Variants in SLC24A2 observed in about 807,000 individuals in gnomAD.
SLC24A2 encodes sodium/potassium/calcium exchanger 2.
In SLC24A2, 36 loss-of-function variants were observed where a neutral mutation model predicts 62.0. That is an observed-to-expected ratio of 0.58 (90% CI 0.44 to 0.77). The LOEUF (loss-of-function observed/expected upper bound fraction) is 0.77. SLC24A2 is among the 30% of genes least tolerant of loss of function. The pLI, the probability that SLC24A2 is intolerant of heterozygous loss-of-function variation, is 0.00. For synonymous variants in SLC24A2, 358 were observed against 294.0 expected (o/e 1.22, Z -2.23); for missense variants, 846 against 817.9 (o/e 1.03, Z -0.42).
At chr9:19,889,480 T>TCCAC in the SLC24A2 span, among the ~76,000 whole-genome samples, 1 of 120,722 alleles carries the variant, frequency 8.3e-6, no homozygotes, top group Non-Finnish European at 1.8e-5. Context: ...AAACAGTCCA[T>TCCAC]AGGCCTCCAT....
intron 2 of SLC24A2, among the ~76,000 whole-genome samples, chr9:19,726,848 C>G (rs1034729625): frequency 2.0e-5 from 3 of 152,124 alleles, no homozygotes; most frequent in African/African-American, 7.2e-5. Flanking sequence ...TCTTTTACAC[C>G]AACGGAGGAT....
At chr9:20,206,528 C>T in the SLC24A2 span, among the ~76,000 whole-genome samples, 2 of 152,132 alleles carry the variant, frequency 1.3e-5, no homozygotes, top group African/African-American at 4.8e-5. Flanking sequence ...CTCGCTCTGT[C>T]GCCCAGGCTG....
the SLC24A2 span, among the ~76,000 whole-genome samples, chr9:19,948,701 C>A: frequency 6.6e-6 from 1 of 151,620 alleles, no homozygotes; most frequent in African/African-American, 2.4e-5. Flanking sequence ...AAAAATTAGC[C>A]GGGCGCAGTG....
the SLC24A2 span, among the ~76,000 whole-genome samples, chr9:20,301,747 A>T: frequency 7.2e-5 from 11 of 152,162 alleles, no homozygotes; most frequent in Non-Finnish European, 1.3e-4. Context: ...TTGACACATC[A>T]TAATCACTCA....
At chr9:19,963,561 C>T in the SLC24A2 span, among the ~76,000 whole-genome samples, 1 of 152,184 alleles carries the variant, frequency 6.6e-6, no homozygotes, top group East Asian at 1.9e-4. Context: ...GGGTGAAGGA[C>T]ATGAACAGAC....
chr9:19,616,691 T>C (rs1216872284), intron 4 of SLC24A2, among the ~76,000 whole-genome samples: 1 of 152,152 alleles, frequency 6.6e-6, no homozygotes, highest in Admixed American at 6.5e-5. Flanking sequence ...GTGAATAAAA[T>C]AGAGTCCCTG....
intron 2 of SLC24A2, among the ~76,000 whole-genome samples, chr9:19,764,401 C>T (rs1425802745): frequency 6.6e-6 from 1 of 152,166 alleles, no homozygotes; most frequent in Non-Finnish European, 1.5e-5. Context: ...GTTAGAGTGT[C>T]AATTTTGGAT....
the SLC24A2 span, among the ~76,000 whole-genome samples, chr9:20,096,098 T>C: frequency 1.5e-5 from 2 of 137,334 alleles, no homozygotes; most frequent in East Asian, 2.1e-4. Flanking sequence ...CGTCCGTCCG[T>C]CCGTCCGTCC....
At chr9:20,178,983 A>C in the SLC24A2 span, among the ~76,000 whole-genome samples, 1 of 152,144 alleles carries the variant, frequency 6.6e-6, no homozygotes, top group Non-Finnish European at 1.5e-5. Context: ...CCAAAATCAC[A>C]CTTCAATCAC....
intron 6 of SLC24A2, among the ~76,000 whole-genome samples, chr9:19,576,356 G>T (rs181813657): frequency 6.6e-6 from 1 of 152,166 alleles, no homozygotes; most frequent in East Asian, 1.9e-4. Flanking sequence ...TTGTCATACA[G>T]GAGCTCTGCA....
At chr9:19,551,447 A>C (rs1420086391) in intron 7 of SLC24A2, among the ~76,000 whole-genome samples, 4 of 152,194 alleles carry the variant, frequency 2.6e-5, no homozygotes, top group East Asian at 1.9e-4. Flanking sequence ...TTAGCCTGTC[A>C]GCTGAGCCCT....
chr9:19,687,912 G>A (rs1229273990), intron 2 of SLC24A2, among the ~76,000 whole-genome samples: 1 of 152,054 alleles, frequency 6.6e-6, no homozygotes, highest in African/African-American at 2.4e-5. Context: ...GTTCAGTGGG[G>A]AGTCATCCCT....
chr9:19,593,217 C>G (rs57699462), intron 5 of SLC24A2, among the ~76,000 whole-genome samples: 382 of 152,280 alleles, frequency 2.5e-3, no homozygotes, highest in African/African-American at 8.8e-3. Context: ...CTAGGGTCTA[C>G]TCATCTCATG....
intron 1 of SLC24A2, chr9:19,788,601 G>A: frequency 3.0e-6 from 3 of 985,458 alleles, no homozygotes; most frequent in Non-Finnish European, 3.6e-6. Context: ...GTTTGTAGGT[G>A]GCTGGGGAAT....
chr9:20,028,193 A>T, the SLC24A2 span, among the ~76,000 whole-genome samples: 21 of 152,296 alleles, frequency 1.4e-4, no homozygotes, highest in Non-Finnish European at 2.8e-4. Flanking sequence ...CCAAGGTAAC[A>T]TCATAGAAGG....
chr9:19,554,103 T>C (rs970137337), intron 7 of SLC24A2, among the ~76,000 whole-genome samples: 5 of 152,116 alleles, frequency 3.3e-5, no homozygotes, highest in Admixed American at 1.3e-4. Flanking sequence ...GGTGTCCTTA[T>C]AGGAGAAGAT....
chr9:19,686,194 A>G (rs1359691532), intron 2 of SLC24A2, among the ~76,000 whole-genome samples: 2 of 152,224 alleles, frequency 1.3e-5, no homozygotes, highest in African/African-American at 4.8e-5. Context: ...AGAAATGCAA[A>G]TCAAAACCAC....
At chr9:20,104,075 G>C in the SLC24A2 span, among the ~76,000 whole-genome samples, 16,806 of 152,120 alleles carry the variant, frequency 0.11, 978 homozygotes, top group Middle Eastern at 0.17. Context: ...CAGCCGATGC[G>C]ATCAACTGGA....
chr9:19,962,742 C>T, the SLC24A2 span, among the ~76,000 whole-genome samples: 4 of 152,192 alleles, frequency 2.6e-5, no homozygotes, highest in African/African-American at 9.6e-5. Flanking sequence ...TGCTTATCAG[C>T]TTAAGGAGAT....
Sources: allele counts gnomAD v4.1 joint callset (sites outside exome capture counted in the v4.1 genomes callset), GRCh38; gene constraint gnomAD v4.1.1; transcripts MANE v1.5; gene names NCBI Gene and HGNC (gene_info 2026-07-23, HGNC 2026-07-21).